Variants in CLMN observed in about 807,000 individuals in gnomAD.
CLMN encodes the protein calmin (calponin-like, transmembrane).
A neutral mutation model predicts 92.7 loss-of-function variants in CLMN; 57 were observed. The observed-to-expected ratio is 0.61, with a 90% confidence interval of 0.50 to 0.77. CLMN has a LOEUF of 0.77. Among genes scored for constraint, CLMN ranks in the 30% least tolerant of loss-of-function variants. The pLI, the probability that CLMN is intolerant of heterozygous loss-of-function variation, is 0.00. For synonymous variants in CLMN, 466 were observed against 470.6 expected (o/e 0.99, Z 0.13); for missense variants, 1,158 against 1,237.5 (o/e 0.94, Z 0.96).
rs1315665837 is a variant in CLMN, at chr14:95,221,924, C to A, written c.241-150G>T. 4.6e-6 allele frequency: 3 copies of A among 656,560 alleles called. No individual in the cohort carries two copies. In the East Asian group the frequency reaches 8.2e-5, roughly 18 times the overall value. The allele number at this position is 656,560 out of a possible 1,614,324, so 40.7% of individuals were successfully genotyped here. On this transcript the variant is annotated intron_variant, in intron 3 of 12. Transcript: ENST00000298912. ...CAGCTAAAACCCACCTGGAATGCAT[C>A]CAAACCCACACAGGTGCCTCTCAGG...
At position 95,256,131 on chromosome 14, in the gene CLMN, C is replaced by T. The variant is rs1367223251; in HGVS notation, c.83-25998G>A. Among the ~76,000 whole-genome samples, 1 of 152,204 alleles carries T rather than the reference C, an allele frequency of 6.6e-6. No individual in the cohort carries two copies. The highest frequency in any genetic ancestry group is 1.5e-5 in the Non-Finnish European group (1 of 68,032). ...TAATTTGAGCCCAAGTTCTGAACCA[C>T]TGGGCTACAGGGTAGTTACATGGGT... On this transcript the variant is annotated intron_variant, in intron 1 of 12. Coordinates refer to ENST00000298912, the MANE Select transcript of CLMN (RefSeq NM_024734.4). This position sits in a 1 kb window ranked among gnomAD's most constrained non-coding sequence, Gnocchi z 4.9.
rs935843657 is a variant in CLMN at position 95,275,761 on chromosome 14, C to T, written c.82+43950G>A. Reference sequence around the variant, plus strand: ...CACTGGAACCTCTGCCTCCCATGCTCAAGTGATTCTCCTGCCTCAGCCTCC... The same window carrying T: ...CACTGGAACCTCTGCCTCCCATGCTTAAGTGATTCTCCTGCCTCAGCCTCC... On this transcript the variant is annotated intron_variant, in intron 1 of 12. Coordinates refer to ENST00000298912, the MANE Select transcript of CLMN (RefSeq NM_024734.4). Among the ~76,000 whole-genome samples the T allele has an allele frequency of 7.2e-5, 11 of 152,222 alleles. No individual in the cohort carries two copies. The East Asian group carries it at 1.5e-3, about 21-fold the overall frequency.
intron 1 of CLMN, among the ~76,000 whole-genome samples, chr14:95,251,150 G>T (rs1898767578): frequency 6.6e-6 from 1 of 151,992 alleles, no homozygotes; most frequent in Non-Finnish European, 1.5e-5. Context: ...TGTGTGTAAT[G>T]GGGGGTGGGT....
At chr14:95,292,815 A>G (rs1254767696) in intron 1 of CLMN, among the ~76,000 whole-genome samples, 1 of 152,086 alleles carries the variant, frequency 6.6e-6, no homozygotes, top group Non-Finnish European at 1.5e-5. Flanking sequence ...GGCGAGATGA[A>G]GCTCCAAAAG....
chr14:95,255,572 T>A (rs1021539512), intron 1 of CLMN, among the ~76,000 whole-genome samples: 1 of 152,166 alleles, frequency 6.6e-6, no homozygotes, highest in Non-Finnish European at 1.5e-5. Flanking sequence ...TTGGAACGCA[T>A]CCCCTGCAGA....
At chr14:95,217,706 T>G (rs1897396680) in intron 4 of CLMN, among the ~76,000 whole-genome samples, 2 of 152,260 alleles carry the variant, frequency 1.3e-5, no homozygotes, top group South Asian at 2.1e-4. Flanking sequence ...CTAGTCAACT[T>G]GATCACCCTG....
Position 95,204,362 on chromosome 14 carries a change from A to G in CLMN, c.987T>C (p.Thr329=). The change falls in exon 9 of 13, where the codon ACT becomes ACC. Residue 329 remains threonine (T), a synonymous_variant. Coordinates refer to ENST00000298912, the MANE Select transcript of CLMN (RefSeq NM_024734.4). ...CAGTGTAGGTACGCTCCCCATTTTC[A>G]GTCAGAACGAAGACTTTGCTCTCCT... ...SEQESKVFVL[T]ENGERTYTVN... 1 of 1,614,106 alleles carries G rather than the reference A, an allele frequency of 6.2e-7. No homozygotes were observed. The highest frequency in any genetic ancestry group is 8.5e-7 in the Non-Finnish European group (1 of 1,180,012).
In CLMN at chr14:95,256,582, A is replaced by G. The variant is rs1376653203; in HGVS notation, c.83-26449T>C. On this transcript the variant is annotated intron_variant, in intron 1 of 12. Coordinates refer to ENST00000298912, the MANE Select transcript of CLMN (RefSeq NM_024734.4). The surrounding 1 kb of genome is among the most constrained non-coding windows in gnomAD (Gnocchi z 4.9). ...AGCTTGCTGAGTGTGGCTCTGCACA[A>G]CCGCCTCGTCAATACCCATCCCACG... Among the ~76,000 whole-genome samples the G allele has an allele frequency of 6.6e-6, 1 of 152,174 alleles. No individual in the cohort carries two copies. The highest frequency in any genetic ancestry group is 2.4e-5 in the African/African-American group (1 of 41,430).
At chr14:95,217,602 G>A (rs560036793) in intron 4 of CLMN, among the ~76,000 whole-genome samples, 31 of 152,336 alleles carry the variant, frequency 2.0e-4, no homozygotes, top group Admixed American at 3.9e-4. Flanking sequence ...GATCACCCAC[G>A]AGAACTCGCC....
intron 1 of CLMN, among the ~76,000 whole-genome samples, chr14:95,262,575 T>C (rs988157717): frequency 2.0e-5 from 3 of 152,130 alleles, no homozygotes; most frequent in African/African-American, 7.2e-5. Context: ...CATTTATTTA[T>C]TTATTTTTGA....
chr14:95,185,384 C>T lies in CLMN; in HGVS notation c.*6180G>A, dbSNP rs1896418283. On this transcript the variant is annotated 3_prime_UTR_variant, in exon 13 of 13. Coordinates refer to ENST00000298912, the MANE Select transcript of CLMN (RefSeq NM_024734.4). The stretch of plus-strand genomic sequence containing the variant: ...CATAGCAATTTTCAGCACAGAAGCA[C>T]AATAATGCCCACTCCAGCTCCCAGC... 6.6e-6 allele frequency: 1 copy of T among 152,296 alleles called. No homozygotes were observed. The allele number at this position is 152,296 out of a possible 1,614,324, so 9.4% of individuals were successfully genotyped here. A position where few individuals can be genotyped will look rare whatever the true frequency, so the allele number is the denominator to read the frequency against.
intron 4 of CLMN, among the ~76,000 whole-genome samples, chr14:95,216,277 G>A (rs1033260115): frequency 6.6e-6 from 1 of 152,186 alleles, no homozygotes; most frequent in Non-Finnish European, 1.5e-5. Context: ...GCACATGAAA[G>A]ACCTGCTCCC....
chr14:95,202,949 G>A lies in CLMN; in HGVS notation c.2400C>T (p.Leu800=), dbSNP rs767303321. 6.2e-7 allele frequency: 1 copy of A among 1,613,962 alleles called. No homozygotes were observed. Among genetic ancestry groups the A allele is most frequent in the Non-Finnish European group, 8.5e-7 (1 of 1,179,944 alleles). ...LPSASDQVLY[L]SRGGVGTTPA... is the part of the protein sequence containing the mutation. Reference sequence around the variant, plus strand: ...GTGTGGTACCCACACCACCCCTGCTGAGATACAGCACCTGGTCGCTGGCAC... The same window carrying A: ...GTGTGGTACCCACACCACCCCTGCTAAGATACAGCACCTGGTCGCTGGCAC... The change falls in exon 9 of 13, where the codon CTC becomes CTT. Residue 800 remains leucine (L), a synonymous_variant. Coordinates refer to ENST00000298912, the MANE Select transcript of CLMN (RefSeq NM_024734.4).
At chr14:95,266,618 C>G (rs1388035796) in intron 1 of CLMN, among the ~76,000 whole-genome samples, 1 of 152,108 alleles carries the variant, frequency 6.6e-6, no homozygotes, top group Non-Finnish European at 1.5e-5. Flanking sequence ...TCAAGATCAC[C>G]CAAAGTGATT....
At chr14:95,299,214 C>G (rs1404308711) in intron 1 of CLMN, among the ~76,000 whole-genome samples, 3 of 152,116 alleles carry the variant, frequency 2.0e-5, no homozygotes, top group African/African-American at 7.2e-5. Context: ...CCCAACCCCA[C>G]CACCACTGCC....
rs548861654 is a variant in CLMN at position 95,213,389 on chromosome 14, G to T, written c.438C>A (p.Asn146Lys). 6 of 1,609,382 alleles carry T rather than the reference G, an allele frequency of 3.7e-6. No individual in the cohort carries two copies. In the South Asian group the frequency reaches 5.5e-5, roughly 15 times the overall value. Reference protein sequence around the residue: ...LFFQIKELTGNLSRNSPSSSL... With the variant: ...LFFQIKELTGKLSRNSPSSSL... ...TGGAAGATGGAGAGTTTCTGCTGAGGTTGCCTGTGAGCTCCTTAATCTGGA... is the reference window on the plus strand; with the variant it reads ...TGGAAGATGGAGAGTTTCTGCTGAGTTTGCCTGTGAGCTCCTTAATCTGGA... Residue 146 changes from asparagine to lysine, a missense_variant, in exon 6 of 13, where the codon AAC (asparagine) becomes AAA (lysine). Asn to Lys is a moderately conservative substitution (Grantham distance 94). Transcript: ENST00000298912.
chr14:95,211,649 T>TA (rs540566941), intron 6 of CLMN, among the ~76,000 whole-genome samples: 20,228 of 130,030 alleles, frequency 0.16, 1,691 homozygotes, highest in Middle Eastern at 0.27. Flanking sequence ...TAAACGCTCT[T>TA]AAAAAAAAAA....
chr14:95,228,519 G>A (rs1340371813), intron 2 of CLMN, among the ~76,000 whole-genome samples: 1 of 152,206 alleles, frequency 6.6e-6, no homozygotes, highest in Non-Finnish European at 1.5e-5. Context: ...CAATATCCTA[G>A]ACCTAAAGAT....
At chr14:95,274,060 G>A (rs142567930) in intron 1 of CLMN, among the ~76,000 whole-genome samples, 35 of 152,186 alleles carry the variant, frequency 2.3e-4, no homozygotes, top group African/African-American at 6.0e-4. Flanking sequence ...GTCATTACCC[G>A]GGTTCTGGCT....
Sources: gnomAD v4.1 joint callset for allele counts (sites outside exome capture counted in the v4.1 genomes callset) on GRCh38, gnomAD v4.1.1 for gene constraint, Gnocchi (gnomAD v3.1) non-coding constraint, MANE v1.5 for transcripts, NCBI Gene and HGNC (gene_info 2026-07-23, HGNC 2026-07-21) for gene names.